Variants in SLCO6A1 observed in about 807,000 individuals in gnomAD.
SLCO6A1 encodes the protein solute carrier organic anion transporter family member 6A1, also known as cancer/testis antigen 48.
SLCO6A1 carries 65 observed loss-of-function variants against 72.7 expected under a neutral mutation model. That is an observed-to-expected ratio of 0.89 (90% CI 0.73 to 1.10). SLCO6A1 has a LOEUF of 1.10. SLCO6A1 is among the 50% of genes least tolerant of loss of function. SLCO6A1 has a pLI of 0.00. For synonymous variants in SLCO6A1, 314 were observed against 298.2 expected (o/e 1.05, Z -0.55); for missense variants, 874 against 872.6 (o/e 1.00, Z -0.02).
intron 9 of SLCO6A1, among the ~76,000 whole-genome samples, chr5:102,401,239 T>C (rs1009948515): frequency 2.0e-5 from 3 of 151,426 alleles, no homozygotes; most frequent in African/African-American, 7.3e-5. Context: ...GCTTGAAAAG[T>C]TGAAAGAAAA....
chr5:102,418,947 T>C (rs963284732), intron 8 of SLCO6A1, among the ~76,000 whole-genome samples: 2 of 152,150 alleles, frequency 1.3e-5, no homozygotes, highest in African/African-American at 4.8e-5. Flanking sequence ...TGCTCTCTGA[T>C]ACCATGGCCT....
chr5:102,465,892 A>G (rs1370381153), intron 4 of SLCO6A1, among the ~76,000 whole-genome samples: 1 of 152,134 alleles, frequency 6.6e-6, no homozygotes, highest in African/African-American at 2.4e-5. Context: ...GTGAATACTA[A>G]GAATCAAGTA....
intron 7 of SLCO6A1, among the ~76,000 whole-genome samples, chr5:102,421,878 C>A (rs183252169): frequency 1.3e-5 from 2 of 152,332 alleles, no homozygotes; most frequent in Admixed American, 1.3e-4. Context: ...AGAGCTCCGG[C>A]TGGCATTTGG....
chr5:102,399,692 T>C lies in SLCO6A1; in HGVS notation c.1677A>G (p.Ala559=). ...CIKEGLITAD[A]EGDFIDARPG... ...GTCTGGCATCAATAAAATCACCTTC[T>C]GCATCTGCAGTTATTAATCCTTCTT... The change falls in exon 10 of 14, where the codon GCA becomes GCG. Residue 559 remains alanine (A), a synonymous_variant. Transcript: ENST00000506729. The C allele has an allele frequency of 6.9e-6, 11 of 1,600,460 alleles. No individual in the cohort carries two copies. Among genetic ancestry groups the C allele is most frequent in the South Asian group, 1.1e-5 (1 of 88,674 alleles).
intron 11 of SLCO6A1, among the ~76,000 whole-genome samples, chr5:102,390,360 A>G (rs867408039): frequency 3.9e-5 from 6 of 152,310 alleles, no homozygotes; most frequent in Non-Finnish European, 7.3e-5. Flanking sequence ...AAGTAGATCT[A>G]GCTATAGAAT....
chr5:102,386,371 C>T (rs564008579), intron 12 of SLCO6A1, among the ~76,000 whole-genome samples: 2 of 152,132 alleles, frequency 1.3e-5, no homozygotes. Context: ...AGGCCTTGAG[C>T]ACTTTTGGGG....
intron 1 of SLCO6A1, among the ~76,000 whole-genome samples, chr5:102,483,865 T>C (rs1752323581): frequency 1.3e-5 from 2 of 152,320 alleles, no homozygotes; most frequent in South Asian, 4.1e-4. Flanking sequence ...CTCAAATCAA[T>C]GCCCCAGCTC....
intron 12 of SLCO6A1, among the ~76,000 whole-genome samples, chr5:102,382,684 C>A (rs1343545015): frequency 6.6e-6 from 1 of 151,342 alleles, no homozygotes; most frequent in African/African-American, 2.4e-5. Context: ...TGATTTTCAA[C>A]ATACAGATCT....
intron 12 of SLCO6A1, among the ~76,000 whole-genome samples, chr5:102,384,806 G>C (rs753643029): frequency 2.6e-5 from 4 of 151,998 alleles, no homozygotes; most frequent in Non-Finnish European, 4.4e-5. Flanking sequence ...TTTTACCACT[G>C]AGTTTTATAC....
At chr5:102,474,785 A>G (rs1751810782) in intron 4 of SLCO6A1, among the ~76,000 whole-genome samples, 1 of 152,068 alleles carries the variant, frequency 6.6e-6, no homozygotes, top group African/African-American at 2.4e-5. Flanking sequence ...AAGGTATACA[A>G]ATGGTGAAGA....
At chr5:102,400,028 T>C (rs775393560) in intron 9 of SLCO6A1, among the ~76,000 whole-genome samples, 5 of 152,054 alleles carry the variant, frequency 3.3e-5, no homozygotes, top group Non-Finnish European at 5.9e-5. Flanking sequence ...AATATTTATA[T>C]TCAAATTCAT....
chr5:102,486,741 C>T (rs1209450506), intron 1 of SLCO6A1, among the ~76,000 whole-genome samples: 3 of 152,102 alleles, frequency 2.0e-5, no homozygotes, highest in Non-Finnish European at 4.4e-5. Context: ...TGCTTCACTG[C>T]TTTCCTAGTA....
chr5:102,469,454 C>T (rs924473686), intron 4 of SLCO6A1, among the ~76,000 whole-genome samples: 1 of 152,126 alleles, frequency 6.6e-6, no homozygotes, highest in African/African-American at 2.4e-5. Context: ...CATGATTTTG[C>T]TCTCTGTGTG....
intron 4 of SLCO6A1, among the ~76,000 whole-genome samples, chr5:102,475,329 A>G (rs1000286884): frequency 5.3e-5 from 8 of 152,140 alleles, no homozygotes; most frequent in African/African-American, 1.9e-4. Flanking sequence ...TTAAAGTGAA[A>G]TAAGCCAATC....
chr5:102,456,641 T>C (rs1488816334), intron 6 of SLCO6A1, among the ~76,000 whole-genome samples: 2 of 152,106 alleles, frequency 1.3e-5, no homozygotes, highest in Non-Finnish European at 2.9e-5. Context: ...TGCTCATGGG[T>C]AGGAAGAATC....
chr5:102,463,741 C>T (rs1751161559), intron 4 of SLCO6A1, among the ~76,000 whole-genome samples: 1 of 152,046 alleles, frequency 6.6e-6, no homozygotes, highest in Non-Finnish European at 1.5e-5. Flanking sequence ...ACAAAATTAG[C>T]CGGGCGTGAT....
At chr5:102,489,191 CT>C (rs1752566728) in intron 1 of SLCO6A1, among the ~76,000 whole-genome samples, 1 of 152,180 alleles carries the variant, frequency 6.6e-6, no homozygotes, top group African/African-American at 2.4e-5. Context: ...TTTTTAAATG[CT>C]CAGCAGGATA....
At chr5:102,394,955 T>C (rs1183187057) in intron 10 of SLCO6A1, among the ~76,000 whole-genome samples, 2 of 152,204 alleles carry the variant, frequency 1.3e-5, no homozygotes, top group Admixed American at 6.5e-5. Context: ...CATTGCATAC[T>C]AAATTCCCAC....
intron 4 of SLCO6A1, among the ~76,000 whole-genome samples, chr5:102,465,462 C>T (rs935306293): frequency 2.6e-5 from 4 of 152,084 alleles, no homozygotes; most frequent in African/African-American, 9.7e-5. Context: ...ATGCTTATTT[C>T]CCCACTACCC....
Sources: allele counts gnomAD v4.1 joint callset (sites outside exome capture counted in the v4.1 genomes callset), GRCh38; gene constraint gnomAD v4.1.1; transcripts MANE v1.5; gene names NCBI Gene and HGNC (gene_info 2026-07-23, HGNC 2026-07-21).